The following RANBP2 variants were observed in gnomAD, a reference collection of about 807,000 sequenced individuals.
The protein encoded by RANBP2 is E3 SUMO-protein ligase RanBP2.
A neutral mutation model predicts 303.6 loss-of-function variants in RANBP2; 57 were observed. The ratio of observed to expected loss-of-function variants is 0.19; its 90% CI spans 0.15 to 0.23. The LOEUF (loss-of-function observed/expected upper bound fraction) is 0.23. Among genes scored for constraint, RANBP2 ranks in the 10% least tolerant of loss-of-function variants. The pLI is 1.00. For missense variants in RANBP2, 3,138 were observed against 3,780.8 expected (o/e 0.83, Z 4.46); for synonymous variants, 1,167 against 1,301.5 (o/e 0.90, Z 2.23).
the RANBP2 span, among the ~76,000 whole-genome samples, chr2:109,535,430 C>T: frequency 1.3e-5 from 2 of 152,168 alleles, no homozygotes; most frequent in Admixed American, 6.5e-5. Flanking sequence ...CTTCCGGCTT[C>T]ACACATTTGA....
chr2:109,528,356 T>C, the RANBP2 span, among the ~76,000 whole-genome samples: 9 of 152,178 alleles, frequency 5.9e-5, no homozygotes, highest in African/African-American at 2.2e-4. Flanking sequence ...GCAATAAACA[T>C]GAGTGCCAAG....
the RANBP2 span, among the ~76,000 whole-genome samples, chr2:109,108,735 T>C: frequency 2.0e-5 from 3 of 152,036 alleles, no homozygotes; most frequent in African/African-American, 7.3e-5. Flanking sequence ...AGGGCGAGAG[T>C]GCCCAGGCAA....
At chr2:109,157,988 C>T in the RANBP2 span, among the ~76,000 whole-genome samples, 1 of 152,140 alleles carries the variant, frequency 6.6e-6, no homozygotes, top group Non-Finnish European at 1.5e-5. Context: ...AGTAAGTAAC[C>T]CTCCTTGAGC....
the RANBP2 span, among the ~76,000 whole-genome samples, chr2:109,631,290 C>G: frequency 1.3e-5 from 2 of 152,096 alleles, no homozygotes; most frequent in East Asian, 3.8e-4. Context: ...GATGCTCAGC[C>G]CTACACTCCT....
At chr2:109,423,346 C>T in the RANBP2 span, among the ~76,000 whole-genome samples, 1 of 151,046 alleles carries the variant, frequency 6.6e-6, no homozygotes, top group African/African-American at 2.4e-5. Flanking sequence ...CAGGGATGAC[C>T]TCGCAGACCT....
At chr2:109,156,447 A>C in the RANBP2 span, among the ~76,000 whole-genome samples, 1 of 151,230 alleles carries the variant, frequency 6.6e-6, no homozygotes, top group Non-Finnish European at 1.5e-5. Flanking sequence ...ATGAATTTTA[A>C]GGTTTTTTTT....
At chr2:109,375,054 G>T in the RANBP2 span, among the ~76,000 whole-genome samples, 1 of 152,176 alleles carries the variant, frequency 6.6e-6, no homozygotes, top group Non-Finnish European at 1.5e-5. Context: ...GGTGGACCCC[G>T]CCCTGGACAT....
At chr2:108,832,479 C>G in the RANBP2 span, among the ~76,000 whole-genome samples, 2,916 of 151,546 alleles carry the variant, frequency 0.019, 86 homozygotes, top group African/African-American at 0.067. Flanking sequence ...TCCCAAGTAG[C>G]TGGGATTACA....
chr2:108,798,543 G>A, the RANBP2 span: 2 of 1,613,648 alleles, frequency 1.2e-6, no homozygotes, highest in South Asian at 2.2e-5. Context: ...AAAATTAAAG[G>A]TGTTGAAGAA....
the RANBP2 span, among the ~76,000 whole-genome samples, chr2:109,255,265 T>A: frequency 6.6e-6 from 1 of 152,200 alleles, no homozygotes; most frequent in East Asian, 1.9e-4. Context: ...TCCCAGTGAA[T>A]GGGTCACACT....
the RANBP2 span, among the ~76,000 whole-genome samples, chr2:109,425,077 G>C: frequency 6.6e-6 from 1 of 152,180 alleles, no homozygotes; most frequent in African/African-American, 2.4e-5. Context: ...TTGCTGATAC[G>C]GAGAATGTTT....
At chr2:109,031,687 A>T in the RANBP2 span, among the ~76,000 whole-genome samples, 2,679 of 152,266 alleles carry the variant, frequency 0.018, 38 homozygotes, top group African/African-American at 0.035. Context: ...AGCGTCGGCC[A>T]CGTGGGCCGG....
At chr2:108,832,539 G>A in the RANBP2 span, among the ~76,000 whole-genome samples, 2 of 152,026 alleles carry the variant, frequency 1.3e-5, no homozygotes, top group African/African-American at 4.8e-5. Flanking sequence ...TAGAGACGGG[G>A]TTTCTCCTTG....
the RANBP2 span, chr2:109,398,994 T>A: frequency 6.6e-7 from 1 of 1,521,890 alleles, no homozygotes; most frequent in Non-Finnish European, 8.8e-7. Context: ...TGGGGTTCTA[T>A]CCTCAGCTCC....
At chr2:109,349,036 TCA>T in the RANBP2 span, among the ~76,000 whole-genome samples, 1 of 151,700 alleles carries the variant, frequency 6.6e-6, no homozygotes, top group South Asian at 2.1e-4. Flanking sequence ...TCTCTCTCTC[TCA>T]CACACACACG....
At chr2:109,306,619 T>C in the RANBP2 span, among the ~76,000 whole-genome samples, 3 of 152,248 alleles carry the variant, frequency 2.0e-5, no homozygotes, top group African/African-American at 4.8e-5. Context: ...CCCACTGTTA[T>C]GCAAGTATCG....
the RANBP2 span, among the ~76,000 whole-genome samples, chr2:109,719,590 A>G: frequency 6.6e-6 from 1 of 151,754 alleles, no homozygotes; most frequent in South Asian, 2.1e-4. Flanking sequence ...TATTTTTAGT[A>G]GAGATGGGGT....
chr2:109,369,594 A>T, the RANBP2 span, among the ~76,000 whole-genome samples: 2 of 152,086 alleles, frequency 1.3e-5, no homozygotes, highest in African/African-American at 4.8e-5. Flanking sequence ...GAGGATGGGG[A>T]AAGTGAGGGG....
At chr2:108,931,079 C>G in the RANBP2 span, 1 of 1,549,080 alleles carries the variant, frequency 6.5e-7, no homozygotes, top group Non-Finnish European at 8.9e-7. Context: ...AGCACCCCAG[C>G]CGGGGGTCTG....
Sources: gnomAD v4.1 joint callset for allele counts (sites outside exome capture counted in the v4.1 genomes callset) on GRCh38, gnomAD v4.1.1 for gene constraint, MANE v1.5 for transcripts, NCBI Gene and HGNC (gene_info 2026-07-23, HGNC 2026-07-21) for gene names.